The following ASB11 variants were observed in gnomAD, a reference collection of about 807,000 sequenced individuals.
ASB11 encodes ankyrin repeat and SOCS box containing 11.
Under a neutral mutation model 20.1 loss-of-function variants are expected in ASB11, and 17 were observed. The observed-to-expected ratio is 0.85, with a 90% confidence interval of 0.58 to 1.27. The LOEUF is 1.27. ASB11 is among the 50% of genes most tolerant of loss of function. The pLI is 0.00. For synonymous variants in ASB11, 107 were observed against 105.6 expected, an observed-to-expected ratio of 1.01 and a Z score of -0.08; for missense variants, 259 against 256.9, an observed-to-expected ratio of 1.01 and a Z score of -0.06.
intron 2 of ASB11, among the ~76,000 whole-genome samples, chrX:15,302,191 C>A (rs751172542): frequency 9.0e-6 from 1 of 111,469 alleles, no homozygotes; most frequent in Non-Finnish European, 1.9e-5. Context: ...AGTTTGAAAG[C>A]AGATCCTGCC....
chrX:15,281,720 C>T lies in ASB11; in HGVS notation c.*1785G>A, dbSNP rs773296332. The T allele has an allele frequency of 1.1e-4, 6 of 55,881 alleles. No homozygotes were observed. The highest frequency in any genetic ancestry group is 3.9e-4 in the Admixed American group (2 of 5,165). 4.6% of individuals were successfully genotyped at this position (55,881 alleles called of 1,213,427 possible). On this transcript the variant is annotated 3_prime_UTR_variant, in exon 7 of 7. Coordinates refer to ENST00000480796, the MANE Select transcript of ASB11 (RefSeq NM_080873.3). The stretch of plus-strand genomic sequence containing the variant: ...TCTTTTTTTTTTTTTTGTTTTGAGA[C>T]GGAGTCTCGCTCTGTCACCCAGGCT...
chrX:15,302,921 A>T, intron 1 of ASB11, 114 bp from the exon 2 acceptor site: 3 of 634,386 alleles, frequency 4.7e-6, no homozygotes, highest in Non-Finnish European at 7.6e-6. Flanking sequence ...AAGAGGAGGG[A>T]AGCAGGTATC....
chrX:15,284,479 G>A (rs1383517510), intron 6 of ASB11, among the ~76,000 whole-genome samples: 2 of 110,688 alleles, frequency 1.8e-5, no homozygotes, highest in Admixed American at 9.6e-5. Context: ...TGGACCTACC[G>A]GCTCTAGCTG....
chrX:15,307,955 C>T (rs910520360), intron 1 of ASB11, among the ~76,000 whole-genome samples: 2 of 112,037 alleles, frequency 1.8e-5, no homozygotes, highest in East Asian at 5.6e-4. Flanking sequence ...CAGCTCCTGG[C>T]CTTTTCCCAC....
At chrX:15,289,659 C>T (rs1226627112) in intron 4 of ASB11, 21 bp from the exon 5 acceptor site, 1 of 1,194,769 alleles carries the variant, frequency 8.4e-7, no homozygotes, top group Non-Finnish European at 1.1e-6. Context: ...ACAAGATACC[C>T]TCACTCAAGT....
intron 1 of ASB11, among the ~76,000 whole-genome samples, chrX:15,308,203 C>T (rs1238655517): frequency 1.8e-5 from 2 of 112,301 alleles, no homozygotes; most frequent in Non-Finnish European, 3.8e-5. Context: ...CTGTGGCATG[C>T]CCTTCACACT....
intron 4 of ASB11, among the ~76,000 whole-genome samples, chrX:15,291,440 G>T (rs766641107): frequency 1.8e-5 from 2 of 111,644 alleles, no homozygotes; most frequent in Admixed American, 9.6e-5. Context: ...TTTTAATAAA[G>T]ACTTTTTGTA....
At chrX:15,315,227 G>A (rs1323067774) in intron 1 of ASB11, among the ~76,000 whole-genome samples, 198 bp downstream of exon 1, 2 of 111,514 alleles carry the variant, frequency 1.8e-5, no homozygotes, top group African/African-American at 6.5e-5. Context: ...CAAGATCTAC[G>A]AACTTGCAAA....
intron 1 of ASB11, among the ~76,000 whole-genome samples, 189 bp from the exon 2 acceptor site, chrX:15,302,996 C>T (rs934655325): frequency 2.7e-5 from 3 of 111,533 alleles, no homozygotes; most frequent in African/African-American, 6.5e-5. Flanking sequence ...AAGTCCTTTA[C>T]GGTTTGGTGG....
chrX:15,288,204 C>T (rs560610195), intron 5 of ASB11, 132 bp from the exon 6 acceptor site: 2 of 692,758 alleles, frequency 2.9e-6, no homozygotes, highest in South Asian at 7.3e-5. Context: ...AAATATGCAA[C>T]TCAAGCCTAG....
chrX:15,298,544 G>C (rs895925562), intron 2 of ASB11, among the ~76,000 whole-genome samples: 1 of 111,254 alleles, frequency 9.0e-6, no homozygotes, highest in East Asian at 2.8e-4. Flanking sequence ...GCTAGGCTGC[G>C]GAGGGTCTGG....
In ASB11 at chrX:15,287,746, G is replaced by A. The variant is rs1378277282; in HGVS notation, c.847+135C>T. 5 of 720,866 alleles carry A rather than the reference G, an allele frequency of 6.9e-6. No individual in the cohort carries two copies. In the South Asian group the frequency reaches 9.5e-5, roughly 14 times the overall value. 59.4% of individuals were successfully genotyped at this position (720,866 alleles called of 1,213,427 possible). A position where few individuals can be genotyped will look rare whatever the true frequency, so the allele number is the denominator to read the frequency against. ...AAATCCCAGAAGACAGGTCAGTGAC[G>A]GCAGGGCCTATCACCTCCCACAATG... On this transcript the variant is annotated intron_variant, in intron 6 of 6. Transcript: ENST00000480796.
At chrX:15,286,745 G>C (rs1480143607) in intron 6 of ASB11, among the ~76,000 whole-genome samples, 1 of 108,016 alleles carries the variant, frequency 9.3e-6, no homozygotes, top group Non-Finnish European at 1.9e-5. Context: ...GTAGCTAGCT[G>C]TGTGACCTTG....
chrX:15,309,879 A>C (rs1381326470), intron 1 of ASB11, among the ~76,000 whole-genome samples: 4 of 103,287 alleles, frequency 3.9e-5, no homozygotes, highest in Non-Finnish European at 7.8e-5. Flanking sequence ...GAGGCAGGAG[A>C]ATGGTGTGAA....
rs1271795793 is a variant in ASB11 at position 15,293,269 on chromosome X, T to C, written c.421A>G (p.Ser141Gly). Residue 141 changes from serine (S) to glycine (G), a missense_variant, in exon 4 of 7, where the codon AGC (serine) becomes GGC (glycine). Transcript: ENST00000480796. ...ACATTGACACATGCAGCACTGCCGC[T>C]GCAGCAAGCATTGAAGAGGGGTGTG... is the stretch of plus-strand genomic sequence containing the variant. ...GATPLFNACC[S>G]GSAACVNVLL... is the part of the protein sequence containing the mutation. The C allele has an allele frequency of 8.3e-6, 10 of 1,209,990 alleles. No homozygotes were observed. The African/African-American group carries it at 1.7e-4, about 21-fold the overall frequency.
intron 2 of ASB11, 120 bp from the exon 3 acceptor site, chrX:15,297,801 G>A (rs1920982377): frequency 1.6e-6 from 1 of 641,304 alleles, no homozygotes; most frequent in South Asian, 2.8e-5. Flanking sequence ...ATCCTGAGTA[G>A]CTGGGATTTC....
chrX:15,315,383 G>A, intron 1 of ASB11, 42 bp downstream of exon 1: 4 of 988,101 alleles, frequency 4.0e-6, no homozygotes, highest in Non-Finnish European at 5.3e-6. Context: ...TATCTAGGAG[G>A]GATTTTCTTT....
rs1569168911 is a variant in ASB11, at chrX:15,287,975, T to G, written c.753A>C (p.Gly251=). The change falls in exon 6 of 7, where the codon GGA becomes GGC. Residue 251 remains glycine (G), a synonymous_variant. Transcript: ENST00000480796. The part of the protein sequence containing the change: ...VEVIHLLTDY[G]ANLKRRNAQG... Reference sequence around the variant, plus strand: ...GAGCATTTCTACGCTTCAGGTTAGCTCCATAGTCGGTTAGCAGGTGGATGA... The same window carrying G: ...GAGCATTTCTACGCTTCAGGTTAGCGCCATAGTCGGTTAGCAGGTGGATGA... The G allele has an allele frequency of 3.3e-6, 4 of 1,210,523 alleles. No individual in the cohort carries two copies. The highest frequency in any genetic ancestry group is 2.2e-5 in the Admixed American group (1 of 45,811).
intron 6 of ASB11, among the ~76,000 whole-genome samples, chrX:15,284,976 C>CA (rs1317076344): frequency 2.7e-5 from 3 of 111,043 alleles, no homozygotes; most frequent in Non-Finnish European, 5.7e-5. Context: ...CCTGGAGGAC[C>CA]AAACAATCGA....
Sources: allele counts gnomAD v4.1 joint callset (sites outside exome capture counted in the v4.1 genomes callset), GRCh38; gene constraint gnomAD v4.1.1; transcripts MANE v1.5; gene names NCBI Gene and HGNC (gene_info 2026-07-23, HGNC 2026-07-21).